ASAP1: variants seen among roughly 807,000 people sequenced by gnomAD.
The protein encoded by ASAP1 is ArfGAP with SH3 domain, ankyrin repeat and PH domain 1.
In ASAP1, 43 loss-of-function variants were observed where a neutral mutation model predicts 145.2. That is an observed-to-expected ratio of 0.30 (90% confidence interval 0.23 to 0.38). ASAP1 has a LOEUF of 0.38. ASAP1 is among the 10% of genes least tolerant of loss of function. The pLI, the probability that ASAP1 is intolerant of heterozygous loss-of-function variation, is 1.00. For missense variants in ASAP1, 1,018 were observed against 1,355.3 expected (o/e 0.75, Z 3.91); for synonymous variants, 546 against 515.5 (o/e 1.06, Z -0.80).
At chr8:130,337,419 T>G (rs893820223) in intron 3 of ASAP1, among the ~76,000 whole-genome samples, 1 of 152,136 alleles carries the variant, frequency 6.6e-6, no homozygotes, top group Non-Finnish European at 1.5e-5. Flanking sequence ...TTTTTAGAAG[T>G]CTCCAGTGTA....
intron 27 of ASAP1, among the ~76,000 whole-genome samples, chr8:130,070,534 T>C (rs1323354598): frequency 2.0e-5 from 3 of 152,064 alleles, no homozygotes; most frequent in Non-Finnish European, 1.5e-5. Context: ...GATAACCCCC[T>C]GTGGAGCAGT....
chr8:130,083,605 G>C (rs2097486240), intron 25 of ASAP1: 1 of 152,104 alleles, frequency 6.6e-6, no homozygotes, highest in African/African-American at 2.4e-5. Flanking sequence ...ACCCTAGATG[G>C]GCATGAGTAT....
chr8:130,408,067 T>C (rs1829111497), intron 1 of ASAP1, among the ~76,000 whole-genome samples: 1 of 152,250 alleles, frequency 6.6e-6, no homozygotes, highest in African/African-American at 2.4e-5. Context: ...CCAACTTGTC[T>C]AGTCCCAGTT....
At chr8:130,215,609 T>C (rs1288090228) in intron 4 of ASAP1, among the ~76,000 whole-genome samples, 1 of 151,860 alleles carries the variant, frequency 6.6e-6, no homozygotes, top group Non-Finnish European at 1.5e-5. Flanking sequence ...CCAGGTGTAG[T>C]AGCGGGTGCC....
intron 5 of ASAP1, among the ~76,000 whole-genome samples, chr8:130,197,930 G>A (rs1815610753): frequency 1.3e-5 from 2 of 152,074 alleles, no homozygotes; most frequent in African/African-American, 4.8e-5. Context: ...GTTCACTAGT[G>A]GGTGAAGTTT....
chr8:130,099,575 C>A (rs962920434), intron 24 of ASAP1, among the ~76,000 whole-genome samples: 1 of 151,904 alleles, frequency 6.6e-6, no homozygotes, highest in Non-Finnish European at 1.5e-5. Context: ...TTAGCTCCCA[C>A]ATGAGTGAGA....
chr8:130,420,370 A>G (rs1202692206), intron 1 of ASAP1, among the ~76,000 whole-genome samples: 2 of 152,118 alleles, frequency 1.3e-5, no homozygotes, highest in East Asian at 3.8e-4. Context: ...GCTACTTTGG[A>G]AAAGTCAAAA....
intron 5 of ASAP1, among the ~76,000 whole-genome samples, chr8:130,210,007 A>C (rs531089697): frequency 6.6e-6 from 1 of 152,188 alleles, no homozygotes; most frequent in African/African-American, 2.4e-5. Context: ...AATAATGTTC[A>C]TTTGCATGGT....
chr8:130,118,375 A>G, intron 19 of ASAP1, 114 bp downstream of exon 19: 1 of 1,359,518 alleles, frequency 7.4e-7, no homozygotes, highest in South Asian at 1.4e-5. Flanking sequence ...CTTGATTTAG[A>G]CATGGCCACC....
intron 12 of ASAP1, among the ~76,000 whole-genome samples, chr8:130,157,134 T>C (rs531003776): frequency 1.3e-5 from 2 of 152,220 alleles, no homozygotes; most frequent in South Asian, 4.1e-4. Context: ...GAGCTGAGCC[T>C]GAGGCTTTTC....
At chr8:130,056,359 C>T (rs1233659367) in intron 29 of ASAP1, among the ~76,000 whole-genome samples, 2 of 152,204 alleles carry the variant, frequency 1.3e-5, no homozygotes, top group African/African-American at 4.8e-5. Flanking sequence ...ACCCCTGGGC[C>T]TCCCCAGGCT....
chr8:130,092,725 C>G (rs1205429354), intron 24 of ASAP1, among the ~76,000 whole-genome samples: 2 of 152,064 alleles, frequency 1.3e-5, no homozygotes, highest in African/African-American at 2.4e-5. Context: ...AACAAACACA[C>G]ACACACATCT....
At chr8:130,351,585 T>C (rs1322157578) in intron 3 of ASAP1, among the ~76,000 whole-genome samples, 1 of 152,062 alleles carries the variant, frequency 6.6e-6, no homozygotes, top group East Asian at 1.9e-4. Flanking sequence ...AGGGAGTGTT[T>C]AGTCATGGCA....
At chr8:130,067,772 G>A (rs917714931) in intron 27 of ASAP1, among the ~76,000 whole-genome samples, 2 of 152,198 alleles carry the variant, frequency 1.3e-5, no homozygotes, top group Non-Finnish European at 2.9e-5. Context: ...TCCACAAAAG[G>A]AACGGTGATA....
At chr8:130,292,200 C>G (rs151329374) in intron 3 of ASAP1, among the ~76,000 whole-genome samples, 1 of 152,308 alleles carries the variant, frequency 6.6e-6, no homozygotes, top group East Asian at 1.9e-4. Context: ...CATGCATACA[C>G]GCATTCATTC....
intron 3 of ASAP1, among the ~76,000 whole-genome samples, chr8:130,334,668 T>C (rs1258539635): frequency 6.6e-6 from 1 of 152,262 alleles, no homozygotes; most frequent in Non-Finnish European, 1.5e-5. Context: ...AAAAGGTCTA[T>C]TATATTTCAA....
chr8:130,122,490 A>G (rs571330221), intron 18 of ASAP1, among the ~76,000 whole-genome samples: 10 of 152,338 alleles, frequency 6.6e-5, no homozygotes, highest in African/African-American at 2.4e-4. Flanking sequence ...AATAATAATA[A>G]TAACAGATAC....
At chr8:130,182,012 C>T (rs1814388724) in intron 7 of ASAP1, among the ~76,000 whole-genome samples, 1 of 152,104 alleles carries the variant, frequency 6.6e-6, no homozygotes, top group Non-Finnish European at 1.5e-5. Context: ...ACTTATAAAC[C>T]CAGTCGGGAT....
intron 26 of ASAP1, among the ~76,000 whole-genome samples, chr8:130,078,493 C>T (rs2097469880): frequency 6.6e-6 from 1 of 151,918 alleles, no homozygotes; most frequent in African/African-American, 2.4e-5. Context: ...GCTATGTTGC[C>T]CAGGCTGGCC....
Sources: allele counts gnomAD v4.1 joint callset (sites outside exome capture counted in the v4.1 genomes callset), GRCh38; gene constraint gnomAD v4.1.1; transcripts MANE v1.5; gene names NCBI Gene and HGNC (gene_info 2026-07-23, HGNC 2026-07-21).